RUNX1: variants seen among roughly 807,000 people sequenced by gnomAD.
RUNX1 encodes runt-related transcription factor 1.
RUNX1 carries 19 observed loss-of-function variants against 42.8 expected under a neutral mutation model. The observed-to-expected ratio is 0.44, with a 90% CI of 0.31 to 0.65. The LOEUF (loss-of-function observed/expected upper bound fraction) is 0.65. Ranked by LOEUF, RUNX1 falls within the 30% of genes least tolerant of loss-of-function variation. The probability of loss-of-function intolerance (pLI) is 0.07; values close to 1 mark genes in which losing one functional copy is unlikely to be tolerated. For synonymous variants in RUNX1, 271 were observed against 289.4 expected, an observed-to-expected ratio of 0.94 and a Z score of 0.64; for missense variants, 528 against 672.0, an observed-to-expected ratio of 0.79 and a Z score of 2.37.
intron 2 of RUNX1, among the ~76,000 whole-genome samples, chr21:34,951,254 T>C (rs2058605044): frequency 6.6e-6 from 1 of 152,252 alleles, no homozygotes; most frequent in Non-Finnish European, 1.5e-5. Flanking sequence ...GTGGCCCCTG[T>C]CACTCAAACT....
chr21:35,038,781 C>G (rs1354980420), intron 2 of RUNX1: 3 of 455,786 alleles, frequency 6.6e-6, no homozygotes, highest in Non-Finnish European at 1.3e-5. Flanking sequence ...ATACAAAGAT[C>G]TCCCACTTCC....
chr21:34,963,465 A>G lies in RUNX1; in HGVS notation c.59-70502T>C, dbSNP rs367696667. Among the ~76,000 whole-genome samples, 58 of 152,342 alleles carry G rather than the reference A, an allele frequency of 3.8e-4. 2 individuals are homozygous for G. The South Asian group carries it at 0.011, about 29-fold the overall frequency. On this transcript the variant is annotated intron_variant, in intron 2 of 8. Transcript: ENST00000675419. ...GTCCTAGTTTGGCCACTGACTGAGC[A>G]GCTCAGTATTGGTCACTGAACCTCA...
At chr21:35,018,837 C>T (rs1034586914) in intron 2 of RUNX1, among the ~76,000 whole-genome samples, 20 of 152,168 alleles carry the variant, frequency 1.3e-4, no homozygotes, top group African/African-American at 4.8e-4. Context: ...GTCCAACCTG[C>T]CCAACGATCT....
At chr21:35,030,436 C>T (rs2059265297) in intron 2 of RUNX1, among the ~76,000 whole-genome samples, 1 of 152,130 alleles carries the variant, frequency 6.6e-6, no homozygotes, top group Non-Finnish European at 1.5e-5. Context: ...AAAAACTAAA[C>T]TGGCAAGATC....
intron 2 of RUNX1, among the ~76,000 whole-genome samples, chr21:34,958,632 G>A (rs2058662180): frequency 6.6e-6 from 1 of 152,220 alleles, no homozygotes; most frequent in Non-Finnish European, 1.5e-5. Context: ...CATTGTTGAA[G>A]TCAGTGTGGT....
At chr21:34,827,695 T>C (rs2057007998) in intron 7 of RUNX1, among the ~76,000 whole-genome samples, 1 of 152,182 alleles carries the variant, frequency 6.6e-6, no homozygotes, top group Admixed American at 6.5e-5. Flanking sequence ...GCAGCACACC[T>C]TGGCCACCCC....
At position 34,792,061 on chromosome 21, in the gene RUNX1, C is replaced by T. The variant is rs1279252508; in HGVS notation, c.*74G>A. The T allele has an allele frequency of 2.0e-6, 2 of 997,984 alleles. No homozygotes were observed. The highest frequency in any genetic ancestry group is 3.5e-4 in the Middle Eastern group (1 of 2,842). The allele number at this position is 997,984 out of a possible 1,614,324, so 61.8% of individuals were successfully genotyped here. On this transcript the variant is annotated 3_prime_UTR_variant, in exon 9 of 9. Transcript: ENST00000675419. This position sits in a 1 kb window ranked among gnomAD's most constrained non-coding sequence, Gnocchi z 6.9. ...GGGCCCGGGATCCCGGCGGGCTTGTCGCGAACAGGAGGCCCGCGCGCCCGG... is the reference window on the plus strand; with the variant it reads ...GGGCCCGGGATCCCGGCGGGCTTGTTGCGAACAGGAGGCCCGCGCGCCCGG...
At chr21:34,967,339 AAAAAAAAAAAAAAG>A (rs1426154827) in intron 2 of RUNX1, among the ~76,000 whole-genome samples, 5 of 146,026 alleles carry the variant, frequency 3.4e-5, no homozygotes, top group African/African-American at 1.2e-4. Context: ...AAAAAAAAAA[AAAAAAAAAAAAAAG>A]AAGAATAGCG....
chr21:34,957,768 G>C (rs1447926235), intron 2 of RUNX1, among the ~76,000 whole-genome samples: 1 of 152,184 alleles, frequency 6.6e-6, no homozygotes, highest in Non-Finnish European at 1.5e-5. Context: ...ATAAACTGAA[G>C]TGTTCTTGTC....
intron 2 of RUNX1, among the ~76,000 whole-genome samples, chr21:34,894,599 AAG>A (rs955980232): frequency 1.3e-4 from 20 of 152,088 alleles, no homozygotes; most frequent in African/African-American, 4.3e-4. Context: ...CCCAAACTGC[AAG>A]AGAGGGGAGG....
chr21:35,035,794 G>A (rs992886033), intron 2 of RUNX1, among the ~76,000 whole-genome samples: 1 of 152,204 alleles, frequency 6.6e-6, no homozygotes, highest in Non-Finnish European at 1.5e-5. Context: ...GGGCACAGGT[G>A]GGGGCTGTCC....
At chr21:34,876,767 C>T (rs978345532) in intron 5 of RUNX1, among the ~76,000 whole-genome samples, 1 of 152,220 alleles carries the variant, frequency 6.6e-6, no homozygotes, top group Non-Finnish European at 1.5e-5. Context: ...ATTACTAAAG[C>T]TGTATTTCCT....
intron 7 of RUNX1, among the ~76,000 whole-genome samples, chr21:34,817,336 A>C (rs1453259801): frequency 6.6e-6 from 1 of 152,226 alleles, no homozygotes; most frequent in Non-Finnish European, 1.5e-5. Context: ...GCTGAGCTAC[A>C]AATGATTTAT....
intron 3 of RUNX1, among the ~76,000 whole-genome samples, chr21:34,890,038 C>G (rs951242311): frequency 2.0e-5 from 3 of 152,174 alleles, no homozygotes; most frequent in Non-Finnish European, 4.4e-5. Context: ...CCGCTCCTCC[C>G]TCCCCCAGGG....
At chr21:34,904,260 T>C (rs944776518) in intron 2 of RUNX1, among the ~76,000 whole-genome samples, 7 of 152,180 alleles carry the variant, frequency 4.6e-5, no homozygotes, top group African/African-American at 9.6e-5. Flanking sequence ...GATATTTCTG[T>C]AGAGTTATCT....
At chr21:34,925,806 A>C (rs1473141774) in intron 2 of RUNX1, among the ~76,000 whole-genome samples, 1 of 152,222 alleles carries the variant, frequency 6.6e-6, no homozygotes, top group African/African-American at 2.4e-5. Flanking sequence ...ATGGCTCAGA[A>C]AGAGGTTCGA....
At chr21:34,931,574 C>T (rs911877926) in intron 2 of RUNX1, among the ~76,000 whole-genome samples, 9 of 115,012 alleles carry the variant, frequency 7.8e-5, no homozygotes, top group Non-Finnish European at 9.6e-5. Context: ...GTGATATATG[C>T]GCCTAAATAG....
intron 4 of RUNX1, among the ~76,000 whole-genome samples, chr21:34,883,742 G>C (rs2057940356): frequency 6.6e-6 from 1 of 152,172 alleles, no homozygotes; most frequent in South Asian, 2.1e-4. Flanking sequence ...TCCCAATACT[G>C]TTCTTGGCTA....
At chr21:35,002,274 C>G (rs2059050298) in intron 2 of RUNX1, among the ~76,000 whole-genome samples, 1 of 151,958 alleles carries the variant, frequency 6.6e-6, no homozygotes, top group Non-Finnish European at 1.5e-5. Flanking sequence ...ACATGACACT[C>G]ATCACCTTCT....
Sources: gnomAD v4.1 joint callset for allele counts (sites outside exome capture counted in the v4.1 genomes callset) on GRCh38, gnomAD v4.1.1 for gene constraint, Gnocchi (gnomAD v3.1) non-coding constraint, MANE v1.5 for transcripts, NCBI Gene and HGNC (gene_info 2026-07-23, HGNC 2026-07-21) for gene names.